Variants in MLLT10 observed in about 807,000 individuals in gnomAD.
The protein encoded by MLLT10 is MLLT10 histone lysine methyltransferase DOT1L cofactor.
Under a neutral mutation model 129.1 loss-of-function variants are expected in MLLT10, and 30 were observed. That is an observed-to-expected ratio of 0.23 (90% confidence interval 0.17 to 0.32). MLLT10 has a LOEUF of 0.32. Among genes scored for constraint, MLLT10 ranks in the 10% least tolerant of loss-of-function variants. The pLI is 1.00. For synonymous variants in MLLT10, 490 were observed against 446.4 expected (o/e 1.10, Z -1.23); for missense variants, 1,119 against 1,268.3 (o/e 0.88, Z 1.79).
chr10:21,731,672 G>A lies in MLLT10; in HGVS notation c.2218+618G>A, dbSNP rs538744971. ...TAAATCTATAATTAGTATATATTAT[G>A]CTTATCATCTATTGGATTATAGAGC... On this transcript the variant is annotated intron_variant, in intron 17 of 22. Transcript: ENST00000307729. 1.1e-4 allele frequency among the ~76,000 whole-genome samples: 16 copies of A among 152,132 alleles called. No individual in the cohort carries two copies. The South Asian group carries it at 3.3e-3, about 32-fold the overall frequency.
chr10:21,707,093 A>G (rs1006925780), intron 13 of MLLT10, among the ~76,000 whole-genome samples: 3 of 151,742 alleles, frequency 2.0e-5, no homozygotes, highest in African/African-American at 7.3e-5. Flanking sequence ...AGTTTTTACC[A>G]TCTCAGTAAG....
At chr10:21,723,763 C>T (rs1173178631) in intron 14 of MLLT10, among the ~76,000 whole-genome samples, 2 of 152,078 alleles carry the variant, frequency 1.3e-5, no homozygotes, top group Non-Finnish European at 2.9e-5. Flanking sequence ...AATTAATTTT[C>T]CATTTCTAAT....
intron 8 of MLLT10, among the ~76,000 whole-genome samples, chr10:21,638,447 AC>A (rs1308607929): frequency 6.6e-6 from 1 of 151,696 alleles, no homozygotes; most frequent in Non-Finnish European, 1.5e-5. Context: ...TAGCTTCCTT[AC>A]CCCCTGAGAA....
At chr10:21,638,258 G>GTT (rs2047644150) in intron 8 of MLLT10, among the ~76,000 whole-genome samples, 1 of 113,484 alleles carries the variant, frequency 8.8e-6, no homozygotes, top group African/African-American at 3.5e-5. Context: ...TCTTTTTGGT[G>GTT]GGGGGAGGGG....
chr10:21,541,164 AAAAG>A (rs1219869465), intron 3 of MLLT10: 1 of 152,156 alleles, frequency 6.6e-6, no homozygotes, highest in African/African-American at 2.4e-5. Flanking sequence ...GTCTCACAAA[AAAAG>A]AAAGAAATAA....
chr10:21,617,025 A>T (rs2045333749), intron 7 of MLLT10, 87 bp from the exon 8 acceptor site: 1 of 483,988 alleles, frequency 2.1e-6, no homozygotes, highest in African/African-American at 2.0e-5. Context: ...AATACTTTAT[A>T]GTTGAATTGG....
At chr10:21,655,751 T>C (rs1330257189) in intron 9 of MLLT10, among the ~76,000 whole-genome samples, 2 of 152,150 alleles carry the variant, frequency 1.3e-5, no homozygotes, top group Non-Finnish European at 2.9e-5. Flanking sequence ...CCATACCCAG[T>C]GATACAAGAG....
At chr10:21,580,270 T>C (rs1233455561) in intron 3 of MLLT10, among the ~76,000 whole-genome samples, 1 of 152,110 alleles carries the variant, frequency 6.6e-6, no homozygotes, top group Non-Finnish European at 1.5e-5. Flanking sequence ...AATTAGCATT[T>C]AGTGACATTT....
chr10:21,543,789 A>C (rs1246941860), intron 3 of MLLT10, among the ~76,000 whole-genome samples: 1 of 152,182 alleles, frequency 6.6e-6, no homozygotes, highest in Non-Finnish European at 1.5e-5. Flanking sequence ...TGTAGTGTAT[A>C]ATTATGAAAG....
chr10:21,702,490 G>A (rs896426055), intron 13 of MLLT10, among the ~76,000 whole-genome samples: 1 of 152,116 alleles, frequency 6.6e-6, no homozygotes. Context: ...TTGATTTTCT[G>A]TGCCAGTGAT....
At chr10:21,707,536 C>A (rs1215364362) in intron 13 of MLLT10, among the ~76,000 whole-genome samples, 1 of 152,118 alleles carries the variant, frequency 6.6e-6, no homozygotes, top group Non-Finnish European at 1.5e-5. Flanking sequence ...AGTCCTTGTC[C>A]GTGTTCAGTA....
At chr10:21,681,411 T>C in intron 12 of MLLT10, 35 bp downstream of exon 12, 1 of 1,473,440 alleles carries the variant, frequency 6.8e-7, no homozygotes, top group Non-Finnish European at 9.5e-7. Context: ...ACCCGGGCCT[T>C]TTGTCTCCTC....
At chr10:21,720,833 G>A (rs945821281) in intron 14 of MLLT10, among the ~76,000 whole-genome samples, 5 of 152,106 alleles carry the variant, frequency 3.3e-5, no homozygotes, top group African/African-American at 4.8e-5. Flanking sequence ...AAATATGAGC[G>A]CTTACCATGT....
Position 21,673,656 on chromosome 10 carries a change from C to T in MLLT10, c.1358C>T (p.Ala453Val). 3 of 1,613,994 alleles carry T rather than the reference C, an allele frequency of 1.9e-6. No homozygotes were observed. Among genetic ancestry groups the T allele is most frequent in the Non-Finnish European group, 1.7e-6 (2 of 1,180,006 alleles). ...CTTCCTACAGCAGGATATAAGCGGG[C>T]TCAAACTTCTGGCATAGAAGAAGAA... ...SSLPTAGYKR[A>V]QTSGIEEETV... The change falls in exon 11 of 23, where the codon GCT becomes GTT. Residue 453 changes from alanine to valine, a missense_variant. Transcript: ENST00000307729.
chr10:21,717,810 T>TTCTTCTC lies in MLLT10; in HGVS notation c.1878+3860_1878+3861insTCTTCTC, dbSNP rs1554864583. Among the ~76,000 whole-genome samples, 133 of 88,006 alleles carry TTCTTCTC rather than the reference T, an allele frequency of 1.5e-3. 5 individuals carry two copies. Among genetic ancestry groups the TTCTTCTC allele is most frequent in the African/African-American group, 5.3e-3 (98 of 18,392 alleles). The allele number at this position is 88,006 out of a possible 152,430, so 57.7% of individuals were successfully genotyped here. A position where few individuals can be genotyped will look rare whatever the true frequency, so the allele number is the denominator to read the frequency against. On this transcript the variant is annotated intron_variant, in intron 14 of 22. Coordinates refer to ENST00000307729, the MANE Select transcript of MLLT10 (RefSeq NM_001195626.3). Reference sequence around the variant, plus strand: ...TTCTTCTTCTTCTTCTCCTTCTTCTTCTCCTTCTTCTCCTCCTTCTCCTCC... The same window carrying TTCTTCTC: ...TTCTTCTTCTTCTTCTCCTTCTTCTTTCTTCTCCTCCTTCTTCTCCTCCTTCTCCTCC...
chr10:21,539,412 C>CTT (rs370995933), intron 3 of MLLT10, among the ~76,000 whole-genome samples: 27 of 120,684 alleles, frequency 2.2e-4, no homozygotes, highest in African/African-American at 3.9e-4. Flanking sequence ...ACATAAAAAT[C>CTT]TTTTTTTTTT....
At chr10:21,535,543 C>T (rs979639459) in intron 2 of MLLT10, among the ~76,000 whole-genome samples, 1 of 152,148 alleles carries the variant, frequency 6.6e-6, no homozygotes, top group African/African-American at 2.4e-5. Context: ...TTTGGGGAGC[C>T]TCTTAGTTTA....
intron 3 of MLLT10, among the ~76,000 whole-genome samples, chr10:21,560,557 T>A (rs568566624): frequency 4.5e-4 from 68 of 152,192 alleles, no homozygotes; most frequent in Admixed American, 1.8e-3. Context: ...TCACCTAGAC[T>A]CCTGTGTAGC....
intron 3 of MLLT10, among the ~76,000 whole-genome samples, chr10:21,562,362 C>T (rs1162700522): frequency 6.8e-6 from 1 of 147,898 alleles, no homozygotes; most frequent in Non-Finnish European, 1.5e-5. Context: ...TTTGAGACGG[C>T]GTCTCACTCT....
Sources: allele counts gnomAD v4.1 joint callset (sites outside exome capture counted in the v4.1 genomes callset), GRCh38; gene constraint gnomAD v4.1.1; transcripts MANE v1.5; gene names NCBI Gene and HGNC (gene_info 2026-07-23, HGNC 2026-07-21).